The following VAV3 variants were observed in gnomAD, a reference collection of about 807,000 sequenced individuals.
VAV3 encodes vav guanine nucleotide exchange factor 3.
Under a neutral mutation model 131.2 loss-of-function variants are expected in VAV3, and 94 were observed. The observed-to-expected ratio is 0.72, with a 90% CI of 0.61 to 0.85. The LOEUF (loss-of-function observed/expected upper bound fraction) is 0.85, where lower values mean the gene tolerates loss of function less well. Ranked by LOEUF, VAV3 falls within the 40% of genes least tolerant of loss-of-function variation. The probability of loss-of-function intolerance (pLI) is 0.00; values close to 1 mark genes in which losing one functional copy is unlikely to be tolerated. For missense variants in VAV3, 939 were observed against 1,002.7 expected (o/e 0.94, Z 0.86); for synonymous variants, 349 against 342.0 (o/e 1.02, Z -0.22).
At chr1:107,779,405 G>T in intron 3 of VAV3, 29 bp downstream of exon 3, 1 of 1,561,736 alleles carries the variant, frequency 6.4e-7, no homozygotes, top group Non-Finnish European at 8.7e-7. Flanking sequence ...AACTCAATGG[G>T]ACACATGAAC....
At chr1:107,753,535 T>TACACAC (rs1354923317) in intron 12 of VAV3, among the ~76,000 whole-genome samples, 1 of 91,316 alleles carries the variant, frequency 1.1e-5, no homozygotes, top group African/African-American at 3.9e-5. Context: ...TACGTATATA[T>TACACAC]ATATATATAT....
chr1:107,848,187 C>T (rs1004335947), intron 2 of VAV3, among the ~76,000 whole-genome samples: 19 of 151,928 alleles, frequency 1.3e-4, no homozygotes, highest in Non-Finnish European at 2.9e-5. Context: ...GTGGCAGGTG[C>T]CTGTAGTCCC....
At chr1:107,863,356 A>G (rs971972555) in intron 2 of VAV3, among the ~76,000 whole-genome samples, 1 of 152,206 alleles carries the variant, frequency 6.6e-6, no homozygotes, top group Admixed American at 6.5e-5. Flanking sequence ...TACCACTGGC[A>G]TTACAATTAT....
rs181259315 is a variant in VAV3 at position 107,912,041 on chromosome 1, T to C, written c.205-37024A>G. On this transcript the variant is annotated intron_variant, in intron 1 of 26. Transcript: ENST00000370056. ...AGTTTAAAAGAAAGTAAATACCAAG[T>C]GTTTTTTGTTTGTTTGTTTGTGTGT... Among the ~76,000 whole-genome samples, 11 of 152,108 alleles carry C rather than the reference T, an allele frequency of 7.2e-5. No individual in the cohort carries two copies. The East Asian group carries it at 2.1e-3, about 30-fold the overall frequency.
intron 1 of VAV3, among the ~76,000 whole-genome samples, chr1:107,963,808 T>G (rs1015076803): frequency 7.2e-5 from 11 of 152,184 alleles, no homozygotes; most frequent in African/African-American, 2.4e-4. Flanking sequence ...AACATCCTTC[T>G]GTACAAAAAT....
chr1:107,726,223 A>G (rs1046810927), intron 15 of VAV3, among the ~76,000 whole-genome samples: 10 of 152,226 alleles, frequency 6.6e-5, no homozygotes, highest in African/African-American at 2.2e-4. Context: ...ATACACATAC[A>G]GATAAATCAA....
chr1:107,688,470 G>C (rs1356934655), intron 17 of VAV3, 64 bp from the exon 18 acceptor site: 1 of 1,606,686 alleles, frequency 6.2e-7, no homozygotes, highest in Non-Finnish European at 8.5e-7. Flanking sequence ...AGCAACCTTA[G>C]CTTTCTCTGC....
At position 107,779,553 on chromosome 1, in the gene VAV3, C is replaced by A. The variant is rs897203529; in HGVS notation, c.322-61G>T. 5.0e-6 allele frequency: 7 copies of A among 1,399,278 alleles called. No individual in the cohort carries two copies. The African/African-American group carries it at 1.0e-4, about 21-fold the overall frequency. 86.7% of individuals were successfully genotyped at this position (1,399,278 alleles called of 1,614,324 possible). A position where few individuals can be genotyped will look rare whatever the true frequency, so the allele number is the denominator to read the frequency against. ...TTCAGAAAATATAAGATTTCTTTTT[C>A]CAAAATTTTTTCAATCTAATATTAA... On this transcript the variant is annotated intron_variant, in intron 2 of 26. Transcript: ENST00000370056.
chr1:107,895,520 T>C (rs1448890730), intron 1 of VAV3, among the ~76,000 whole-genome samples: 1 of 152,162 alleles, frequency 6.6e-6, no homozygotes, highest in African/African-American at 2.4e-5. Context: ...AGATGTTAAA[T>C]AGTTGCCCAA....
chr1:107,660,314 C>T (rs1036264065), intron 19 of VAV3, among the ~76,000 whole-genome samples: 2 of 152,194 alleles, frequency 1.3e-5, no homozygotes, highest in African/African-American at 4.8e-5. Flanking sequence ...TTCTTTTCTG[C>T]TACACAGTTA....
At chr1:107,730,442 TA>T (rs1662164256) in intron 15 of VAV3, among the ~76,000 whole-genome samples, 1 of 152,188 alleles carries the variant, frequency 6.6e-6, no homozygotes, top group Non-Finnish European at 1.5e-5. Flanking sequence ...AAATCTTATC[TA>T]AATAACTGGG....
intron 21 of VAV3, among the ~76,000 whole-genome samples, chr1:107,611,621 CA>C (rs959865085): frequency 1.4e-5 from 2 of 138,944 alleles, no homozygotes; most frequent in African/African-American, 5.3e-5. Flanking sequence ...AACAAACAAA[CA>C]AAAAAAAGGA....
intron 20 of VAV3, among the ~76,000 whole-genome samples, chr1:107,642,387 G>A (rs1557727099): frequency 6.6e-6 from 1 of 152,134 alleles, no homozygotes; most frequent in African/African-American, 2.4e-5. Context: ...GGGGAGACAT[G>A]AATAATCCAC....
intron 2 of VAV3, among the ~76,000 whole-genome samples, chr1:107,849,111 T>C (rs745908123): frequency 3.3e-5 from 5 of 152,058 alleles, no homozygotes; most frequent in Non-Finnish European, 5.9e-5. Context: ...TGCTCATGGA[T>C]AGAAAGAATC....
chr1:107,920,058 G>T (rs998207956), intron 1 of VAV3, among the ~76,000 whole-genome samples: 1 of 152,084 alleles, frequency 6.6e-6, no homozygotes, highest in African/African-American at 2.4e-5. Flanking sequence ...CCTTATTACA[G>T]AAGCAGTTGA....
chr1:107,926,486 G>T (rs911550526), intron 1 of VAV3, among the ~76,000 whole-genome samples: 1 of 152,126 alleles, frequency 6.6e-6, no homozygotes, highest in East Asian at 1.9e-4. Flanking sequence ...CAAAAATCAA[G>T]TGAGCACTCA....
chr1:107,790,744 G>A (rs780897386), intron 2 of VAV3, among the ~76,000 whole-genome samples: 14 of 118,844 alleles, frequency 1.2e-4, no homozygotes, highest in Admixed American at 3.5e-4. Flanking sequence ...CTGGAGTACA[G>A]TTGCATGATC....
intron 15 of VAV3, among the ~76,000 whole-genome samples, chr1:107,738,464 T>A (rs917204694): frequency 4.9e-4 from 74 of 152,342 alleles, no homozygotes; most frequent in African/African-American, 1.7e-3. Context: ...TTCCTGGGCA[T>A]GTATTGTGAA....
At chr1:107,807,542 G>A (rs959157928) in intron 2 of VAV3, among the ~76,000 whole-genome samples, 2 of 152,166 alleles carry the variant, frequency 1.3e-5, no homozygotes, top group African/African-American at 4.8e-5. Flanking sequence ...TAGTGCTCCA[G>A]GGCCACTGCA....
Sources: gnomAD v4.1 joint callset for allele counts (sites outside exome capture counted in the v4.1 genomes callset) on GRCh38, gnomAD v4.1.1 for gene constraint, MANE v1.5 for transcripts, NCBI Gene and HGNC (gene_info 2026-07-23, HGNC 2026-07-21) for gene names.